The following CLPX variants were observed in gnomAD, a reference collection of about 807,000 sequenced individuals.
The protein encoded by CLPX is caseinolytic mitochondrial matrix peptidase chaperone subunit X.
Under a neutral mutation model 76.4 loss-of-function variants are expected in CLPX, and 34 were observed. The ratio of observed to expected loss-of-function variants is 0.45; its 90% CI spans 0.34 to 0.59. The LOEUF (loss-of-function observed/expected upper bound fraction) is 0.59. CLPX is among the 20% of genes least tolerant of loss of function. The pLI, the probability that CLPX is intolerant of heterozygous loss-of-function variation, is 0.01. For synonymous variants in CLPX, 248 were observed against 270.9 expected (o/e 0.92, Z 0.83); for missense variants, 613 against 757.0 (o/e 0.81, Z 2.23).
rs369296834 is a variant in CLPX at position 65,169,971 on chromosome 15, G to C, written c.359-3186C>G. On this transcript the variant is annotated intron_variant, in intron 3 of 13. Transcript: ENST00000300107. The stretch of plus-strand genomic sequence containing the variant: ...AGATGGGGTTTGACCATGTTGGTCA[G>C]GCTGGTCTCAAATTCCTGACCTCAG... 4.2e-3 allele frequency among the ~76,000 whole-genome samples: 638 copies of C among 150,226 alleles called. 7 individuals carry two copies. The highest frequency in any genetic ancestry group is 0.015 in the African/African-American group (593 of 39,734).
intron 7 of CLPX, 51 bp from the exon 8 acceptor site, chr15:65,157,961 A>G: frequency 6.8e-7 from 1 of 1,464,294 alleles, no homozygotes; most frequent in Non-Finnish European, 9.2e-7. Flanking sequence ...ATTGGCACAC[A>G]ATTTTTCAAT....
rs2088023796 is a variant in CLPX, at chr15:65,172,490, GGGCATGTT to G, written c.359-5713_359-5706del. On this transcript the variant is annotated intron_variant, in intron 3 of 13. Coordinates refer to ENST00000300107, the MANE Select transcript of CLPX (RefSeq NM_006660.5). ...TACTAAAAATACAAAAAAATTAGCCGGGCATGTTGGCAGGCGCCTGTAATCCCAGCTAC... is the reference window on the plus strand; with the variant it reads ...TACTAAAAATACAAAAAAATTAGCCGGGCAGGCGCCTGTAATCCCAGCTAC... Among the ~76,000 whole-genome samples the G allele has an allele frequency of 2.0e-5, 3 of 151,958 alleles. No homozygotes were observed. In the South Asian group the frequency reaches 6.2e-4, roughly 32 times the overall value.
At chr15:65,152,404 T>G (rs1392580024) in intron 13 of CLPX, 26 bp downstream of exon 13, 1 of 1,144,954 alleles carries the variant, frequency 8.7e-7, no homozygotes, top group East Asian at 2.7e-5. Flanking sequence ...ATTTTGTATC[T>G]GTTCTGGCTT....
intron 5 of CLPX, 22 bp downstream of exon 5, chr15:65,164,007 G>C (rs1595940362): frequency 6.2e-7 from 1 of 1,602,314 alleles, no homozygotes; most frequent in East Asian, 2.2e-5. Flanking sequence ...TCTCTATTTA[G>C]GTCAATTATC....
chr15:65,175,352 G>C (rs1042101066), intron 3 of CLPX, among the ~76,000 whole-genome samples: 5 of 152,126 alleles, frequency 3.3e-5, no homozygotes, highest in African/African-American at 9.7e-5. Flanking sequence ...CTGGCATGGT[G>C]GTGGGCACCT....
At chr15:65,151,450 C>A (rs1595935067) in intron 13 of CLPX, among the ~76,000 whole-genome samples, 3 of 88,234 alleles carry the variant, frequency 3.4e-5, no homozygotes, top group African/African-American at 1.3e-4. Context: ...AAATTTATTA[C>A]TGGGAGAAAA....
intron 3 of CLPX, among the ~76,000 whole-genome samples, chr15:65,171,387 T>C (rs1159781117): frequency 3.3e-5 from 5 of 151,174 alleles, no homozygotes. Context: ...GCAGAGGTTG[T>C]AGTGAGCTGG....
intron 6 of CLPX, among the ~76,000 whole-genome samples, chr15:65,160,586 C>T (rs1023408237): frequency 6.9e-6 from 1 of 144,646 alleles, no homozygotes; most frequent in African/African-American, 2.6e-5. Context: ...GCTTGTCATT[C>T]ACTCATTCTC....
intron 3 of CLPX, among the ~76,000 whole-genome samples, chr15:65,177,230 G>A (rs1012657814): frequency 6.6e-6 from 1 of 151,888 alleles, no homozygotes; most frequent in Non-Finnish European, 1.5e-5. Flanking sequence ...CACCACGCCC[G>A]GCTAATTTTT....
At position 65,185,266 on chromosome 15, in the gene CLPX, G is replaced by C. The variant is rs1256452691; in HGVS notation, c.-113C>G. 1.2e-6 allele frequency: 1 copy of C among 837,284 alleles called. No homozygotes were observed. The highest frequency in any genetic ancestry group is 1.9e-6 in the Non-Finnish European group (1 of 526,406). 51.9% of individuals were successfully genotyped at this position (837,284 alleles called of 1,614,324 possible). A position where few individuals can be genotyped will look rare whatever the true frequency, so the allele number is the denominator to read the frequency against. ...GTTCCGAACCCTTTCGCGGGCCCTA[G>C]ACCCCGTGGAGAGTTCACCTGCCCG... On this transcript the variant is annotated 5_prime_UTR_variant, in exon 1 of 14. Coordinates refer to ENST00000300107, the MANE Select transcript of CLPX (RefSeq NM_006660.5).
Position 65,154,782 on chromosome 15 carries a change from C to T in CLPX, c.1611G>A (p.Lys537=). 6.3e-7 allele frequency: 1 copy of T among 1,591,776 alleles called. No individual in the cohort carries two copies. The highest frequency in any genetic ancestry group is 8.6e-7 in the Non-Finnish European group (1 of 1,163,712). ...PQYQALFSMD[K]CELNVTEDAL... The stretch of plus-strand genomic sequence containing the variant: ...TAAGTACAAAAAATAAAAATCTAAC[C>T]TTATCCATGCTGAATAAGGCCTGGT... Residue 537 remains lysine, a splice_region_variant and synonymous_variant, in exon 11 of 14, where the codon AAG becomes AAA. Transcript: ENST00000300107.
chr15:65,185,098 G>C lies in CLPX; in HGVS notation c.56C>G (p.Ser19Cys). 6.3e-7 allele frequency: 1 copy of C among 1,584,694 alleles called. No individual in the cohort carries two copies. The highest frequency in any genetic ancestry group is 8.6e-7 in the Non-Finnish European group (1 of 1,166,510). The change falls in exon 1 of 14, where the codon TCC (serine) becomes TGC (cysteine). Residue 19 changes from serine (S) to cysteine (C), a missense_variant. Physicochemically the swap from Ser to Cys is moderately radical, Grantham distance 112. Around this residue, in one of 2 missense-constraint regions of CLPX, gnomAD observed 163 missense variants for 118.4 expected, o/e 1.38. Coordinates refer to ENST00000300107, the MANE Select transcript of CLPX (RefSeq NM_006660.5). ...ACCTCTCTGCGCGGAGGCGAGTGAG[G>C]AGGTGATGAGCCGGACGGCCGCCGC... ...CGAAAVRLIT[S>C]SLASAQRGIS...
Position 65,157,872 on chromosome 15 carries a change from C to T in CLPX, c.931G>A (p.Asp311Asn), listed in dbSNP as rs1234418248. Residue 311 changes from aspartate (D) to asparagine (N), a missense_variant, in exon 8 of 14, where the codon GAT becomes AAT. By Grantham distance (23) the Asp-to-Asn change is conservative. Transcript: ENST00000300107. ...CAGTCACAGATAGCAAAAGGGACATCAAGGCATTTAGCTAGGGTTTGTGCC... is the reference window on the plus strand; with the variant it reads ...CAGTCACAGATAGCAAAAGGGACATTAAGGCATTTAGCTAGGGTTTGTGCC... ...LLAQTLAKCL[D>N]VPFAICDCTT... 1 of 1,610,826 alleles carries T rather than the reference C, an allele frequency of 6.2e-7. No individual in the cohort carries two copies. Among genetic ancestry groups the T allele is most frequent in the Non-Finnish European group, 8.5e-7 (1 of 1,178,648 alleles).
chr15:65,172,490 G>A (rs750093063), intron 3 of CLPX, among the ~76,000 whole-genome samples: 17 of 152,076 alleles, frequency 1.1e-4, no homozygotes, highest in South Asian at 2.1e-4. Context: ...AAAATTAGCC[G>A]GGCATGTTGG....
At chr15:65,180,297 A>T in intron 1 of CLPX, 93 bp from the exon 2 acceptor site, 1 of 968,016 alleles carries the variant, frequency 1.0e-6, no homozygotes, top group Non-Finnish European at 1.5e-6. Context: ...AGGTTGAAAA[A>T]AAGCTATCAT....
At chr15:65,181,253 T>C (rs1400021519) in intron 1 of CLPX, among the ~76,000 whole-genome samples, 2 of 152,018 alleles carry the variant, frequency 1.3e-5, no homozygotes, top group Non-Finnish European at 2.9e-5. Flanking sequence ...ACGTGGTACT[T>C]AGAAGGCAAA....
chr15:65,184,977 T>A, intron 1 of CLPX, 98 bp downstream of exon 1: 1 of 989,202 alleles, frequency 1.0e-6, no homozygotes, highest in South Asian at 1.4e-5. Context: ...ACTCCCCGGG[T>A]GCAGCAGGCC....
chr15:65,158,323 A>G (rs985157872), intron 7 of CLPX: 16 of 388,206 alleles, frequency 4.1e-5, no homozygotes, highest in African/African-American at 2.3e-4. Context: ...CATCCGATCT[A>G]TTATTATTTA....
Position 65,152,435 on chromosome 15 carries a change from G to A in CLPX, c.1806C>T (p.Tyr602=), listed in dbSNP as rs2087733295. 4 of 1,499,582 alleles carry A rather than the reference G, an allele frequency of 2.7e-6. No homozygotes were observed. Among genetic ancestry groups the A allele is most frequent in the South Asian group, 2.6e-5 (2 of 76,100 alleles). 92.9% of individuals were successfully genotyped at this position (1,499,582 alleles called of 1,614,324 possible). ...GGCTTGAAAATACACTTTACCGGAT[G>A]TATCCTGGTTCCTTTTTTCCTTCTA... The part of the protein sequence containing the change: ...EVVEGKKEPG[Y]IRAPTKESSE... Residue 602 remains tyrosine (Y), a synonymous_variant, in exon 13 of 14, where the codon TAC becomes TAT. Coordinates refer to ENST00000300107, the MANE Select transcript of CLPX (RefSeq NM_006660.5).
Sources: allele counts gnomAD v4.1 joint callset (sites outside exome capture counted in the v4.1 genomes callset), GRCh38; gene constraint gnomAD v4.1.1; regional missense constraint gnomAD v4.1.1; transcripts MANE v1.5; gene names NCBI Gene and HGNC (gene_info 2026-07-23, HGNC 2026-07-21).